GSDME: variants seen among roughly 807,000 people sequenced by gnomAD.
GSDME encodes gasdermin-E.
A neutral mutation model predicts 47.5 loss-of-function variants in GSDME; 44 were observed. That is an observed-to-expected ratio of 0.93 (90% CI 0.73 to 1.19). The LOEUF (loss-of-function observed/expected upper bound fraction) is 1.19. Ranked by LOEUF, GSDME falls within the 50% of genes most tolerant of loss-of-function variation. GSDME has a pLI of 0.00. For missense variants in GSDME, 663 were observed against 604.2 expected, an observed-to-expected ratio of 1.10 and a Z score of -1.02; for synonymous variants, 258 against 252.8, an observed-to-expected ratio of 1.02 and a Z score of -0.20.
intron 7 of GSDME, 74 bp downstream of exon 7, chr7:24,708,053 A>G (rs1007710480): frequency 6.3e-7 from 1 of 1,591,126 alleles, no homozygotes; most frequent in Non-Finnish European, 8.6e-7. Context: ...CCTTTAACAC[A>G]ATTCCATCCT....
At chr7:24,782,021 C>T in the GSDME span, among the ~76,000 whole-genome samples, 1 of 152,156 alleles carries the variant, frequency 6.6e-6, no homozygotes, top group Non-Finnish European at 1.5e-5. Context: ...GCTGAGATTA[C>T]AGAAATGAGC....
At chr7:24,699,751 A>G (rs1788785533) in intron 9 of GSDME, among the ~76,000 whole-genome samples, 2 of 152,144 alleles carry the variant, frequency 1.3e-5, no homozygotes, top group Non-Finnish European at 2.9e-5. Flanking sequence ...CAATTTGTCT[A>G]GTGTCCTCTG....
Position 24,710,623 on chromosome 7 carries a change from T to C in GSDME, c.698-235A>G, listed in dbSNP as rs571326056. The C allele has an allele frequency of 7.1e-5, 39 of 551,618 alleles. No homozygotes were observed. In the African/African-American group the frequency reaches 7.2e-4, roughly 10 times the overall value. The allele number at this position is 551,618 out of a possible 1,614,324, so 34.2% of individuals were successfully genotyped here. On this transcript the variant is annotated intron_variant, in intron 5 of 9. Coordinates refer to ENST00000645220, the MANE Select transcript of GSDME (RefSeq NM_001127453.2). ...GCTGTTCTTACATAAAGCTCCCTAATATATATTCTCTGAACAGGCTGGACA... is the reference window on the plus strand; with the variant it reads ...GCTGTTCTTACATAAAGCTCCCTAACATATATTCTCTGAACAGGCTGGACA...
In GSDME at chr7:24,732,271, G is replaced by A. The variant is rs562397082; in HGVS notation, c.404+12291C>T. Among the ~76,000 whole-genome samples the A allele has an allele frequency of 6.6e-6, 1 of 152,196 alleles. No individual in the cohort carries two copies. Among genetic ancestry groups the A allele is most frequent in the Non-Finnish European group, 1.5e-5 (1 of 68,038 alleles). Reference sequence around the variant, plus strand: ...TAGCCATTGGGAAATTGATCAGGTAGGAAGGAAGCCCAGTTCAAACTTTGT... The same window carrying A: ...TAGCCATTGGGAAATTGATCAGGTAAGAAGGAAGCCCAGTTCAAACTTTGT... On this transcript the variant is annotated intron_variant, in intron 3 of 9. Coordinates refer to ENST00000645220, the MANE Select transcript of GSDME (RefSeq NM_001127453.2). This position sits in a 1 kb window ranked among gnomAD's most constrained non-coding sequence, Gnocchi z 4.8.
At chr7:24,753,490 T>C (rs1248447624) in intron 1 of GSDME, among the ~76,000 whole-genome samples, 1 of 152,232 alleles carries the variant, frequency 6.6e-6, no homozygotes, top group Non-Finnish European at 1.5e-5. Flanking sequence ...ACGGATGTCC[T>C]CTTCATAAAC....
chr7:24,775,453 T>A, the GSDME span, among the ~76,000 whole-genome samples: 1 of 152,180 alleles, frequency 6.6e-6, no homozygotes, highest in Non-Finnish European at 1.5e-5. Context: ...GAATGCAAAA[T>A]CAACACAAAC....
the GSDME span, among the ~76,000 whole-genome samples, chr7:24,776,841 T>G: frequency 2.6e-5 from 4 of 151,618 alleles, no homozygotes; most frequent in Non-Finnish European, 4.4e-5. Context: ...GGAAATTCAT[T>G]TATATGTGTG....
the GSDME span, among the ~76,000 whole-genome samples, chr7:24,771,630 T>A: frequency 2.0e-5 from 3 of 152,156 alleles, no homozygotes; most frequent in Non-Finnish European, 4.4e-5. The surrounding 1 kb of genome is among the most constrained non-coding windows in gnomAD (Gnocchi z 4.1). Flanking sequence ...ATTGTACCGC[T>A]AGTTGGTATT....
In GSDME at chr7:24,706,284, C is replaced by G. The variant is rs1423227817; in HGVS notation, c.1083G>C (p.Gln361His). Residue 361 changes from glutamine to histidine, a missense_variant, in exon 8 of 10, where the codon CAG (glutamine) becomes CAC (histidine). By Grantham distance (24) the Gln-to-His change is conservative (BLOSUM62 0). Transcript: ENST00000645220. ...CACCCTGTAAGCTGCACCCCACCAG[C>G]TGCAGGAAGGCCACAAGGTCCTGCT... ...RQQQDLVAFL[Q>H]LVGCSLQGGC... is the part of the protein sequence containing the mutation. 1 of 1,614,212 alleles carries G rather than the reference C, an allele frequency of 6.2e-7. No homozygotes were observed. Among genetic ancestry groups the G allele is most frequent in the Admixed American group, 1.7e-5 (1 of 60,032 alleles).
At chr7:24,704,395 C>T (rs1394884944) in intron 8 of GSDME, 5 of 152,080 alleles carry the variant, frequency 3.3e-5, no homozygotes, top group Non-Finnish European at 4.4e-5. Flanking sequence ...TGAGGACCTA[C>T]GAAGACCCCA....
chr7:24,716,925 C>T lies in GSDME; in HGVS notation c.697+329G>A, dbSNP rs781729097. On this transcript the variant is annotated intron_variant, in intron 5 of 9. Coordinates refer to ENST00000645220, the MANE Select transcript of GSDME (RefSeq NM_001127453.2). The surrounding 1 kb of genome is among the most constrained non-coding windows in gnomAD (Gnocchi z 4.5). ...GAGACCTCATAGGACATCATGGCAC[C>T]GGGGTTGATGCCCAGTGTGTCTGAT... 2.3e-5 allele frequency: 9 copies of T among 383,754 alleles called. No individual in the cohort carries two copies. Among genetic ancestry groups the T allele is most frequent in the Admixed American group, 7.4e-5 (2 of 27,028 alleles). 23.8% of individuals were successfully genotyped at this position (383,754 alleles called of 1,614,324 possible). A position where few individuals can be genotyped will look rare whatever the true frequency, so the allele number is the denominator to read the frequency against.
rs777500747 is a variant in GSDME, at chr7:24,699,212, G to C, written c.1305C>G (p.Thr435=). The C allele has an allele frequency of 7.4e-6, 12 of 1,614,044 alleles. No individual in the cohort carries two copies. The African/African-American group carries it at 1.3e-4, about 18-fold the overall frequency. ...TTTCTGTATCTTTCAGGGGAGTCAA[G>C]GTTGGGTCTTCAAGATCAGATACTC... is the stretch of plus-strand genomic sequence containing the variant. ...DDGVSDLEDP[T]LTPLKDTERF... is the part of the protein sequence containing the mutation. The change falls in exon 10 of 10, where the codon ACC becomes ACG. Residue 435 remains threonine, a synonymous_variant. Transcript: ENST00000645220.
intron 9 of GSDME, among the ~76,000 whole-genome samples, chr7:24,701,479 A>AATCCTGC: frequency 6.6e-6 from 1 of 151,524 alleles, no homozygotes; most frequent in Non-Finnish European, 1.5e-5. Context: ...GGGTTAGATA[A>AATCCTGC]CAGTTAGATA....
Position 24,744,647 on chromosome 7 carries a change from T to G in GSDME, c.319A>C (p.Ser107Arg). ...AATGAAGACTGGCTCTCTACGCGGCTGCTGCCCCCCAGGTTCAGCTTGACC... is the reference window on the plus strand; with the variant it reads ...AATGAAGACTGGCTCTCTACGCGGCGGCTGCCCCCCAGGTTCAGCTTGACC... ...GKVKLNLGGSSRVESQSSFGT... is the reference protein window; with the variant it reads ...GKVKLNLGGSRRVESQSSFGT... Residue 107 changes from serine to arginine, a missense_variant, in exon 3 of 10, where the codon AGC (serine) becomes CGC (arginine). By Grantham distance (110) the Ser-to-Arg change is moderately radical. Transcript: ENST00000645220. This position sits in a 1 kb window ranked among gnomAD's most constrained non-coding sequence, Gnocchi z 4.5. 6.2e-7 allele frequency: 1 copy of G among 1,614,228 alleles called. No individual in the cohort carries two copies. Among genetic ancestry groups the G allele is most frequent in the Non-Finnish European group, 8.5e-7 (1 of 1,180,052 alleles).
At chr7:24,713,699 A>G (rs1016765613) in intron 5 of GSDME, among the ~76,000 whole-genome samples, 3 of 152,246 alleles carry the variant, frequency 2.0e-5, no homozygotes, top group Non-Finnish European at 4.4e-5. Flanking sequence ...TTCTTGGGAC[A>G]AAGAGCCACA....
chr7:24,776,893 C>T, the GSDME span, among the ~76,000 whole-genome samples: 1 of 152,096 alleles, frequency 6.6e-6, no homozygotes, highest in Non-Finnish European at 1.5e-5. Context: ...AGTAAAAAAT[C>T]GTGCACCAAA....
Position 24,712,628 on chromosome 7 carries a change from G to T in GSDME, c.698-2240C>A, listed in dbSNP as rs954795729. The stretch of plus-strand genomic sequence containing the variant: ...AGAGTGGGGACAGCGGTTGAACAGG[G>T]CTGAGGCCAGAGTGACCAGCGGGTG... On this transcript the variant is annotated intron_variant, in intron 5 of 9. Coordinates refer to ENST00000645220, the MANE Select transcript of GSDME (RefSeq NM_001127453.2). The surrounding 1 kb of genome is among the most constrained non-coding windows in gnomAD (Gnocchi z 4.4). Among the ~76,000 whole-genome samples, 2 of 152,222 alleles carry T rather than the reference G, an allele frequency of 1.3e-5. No individual in the cohort carries two copies. Among genetic ancestry groups the T allele is most frequent in the African/African-American group, 4.8e-5 (2 of 41,452 alleles).
the GSDME span, among the ~76,000 whole-genome samples, chr7:24,771,627 C>T: frequency 2.6e-5 from 4 of 152,068 alleles, no homozygotes; most frequent in South Asian, 2.1e-4. The surrounding 1 kb of genome is among the most constrained non-coding windows in gnomAD (Gnocchi z 4.1). Flanking sequence ...CAGATTGTAC[C>T]GCTAGTTGGT....
chr7:24,720,131 C>A (rs1473250420), intron 3 of GSDME, among the ~76,000 whole-genome samples: 1 of 152,176 alleles, frequency 6.6e-6, no homozygotes, highest in Non-Finnish European at 1.5e-5. Context: ...CATGGCCTAT[C>A]CAGAGTCACT....
Sources: allele counts gnomAD v4.1 joint callset (sites outside exome capture counted in the v4.1 genomes callset), GRCh38; gene constraint gnomAD v4.1.1; non-coding constraint Gnocchi (gnomAD v3.1); transcripts MANE v1.5; gene names NCBI Gene and HGNC (gene_info 2026-07-23, HGNC 2026-07-21).